The following NCKAP1 variants were observed in gnomAD, a reference collection of about 807,000 sequenced individuals.
The protein encoded by NCKAP1 is nck-associated protein 1.
A neutral mutation model predicts 151.2 loss-of-function variants in NCKAP1; 21 were observed. The observed-to-expected ratio is 0.14, with a 90% CI of 0.10 to 0.20. The LOEUF (loss-of-function observed/expected upper bound fraction) is 0.20. Among genes scored for constraint, NCKAP1 ranks in the 10% least tolerant of loss-of-function variants. The probability of loss-of-function intolerance (pLI) is 1.00; values close to 1 mark genes in which losing one functional copy is unlikely to be tolerated. For missense variants in NCKAP1, 933 were observed against 1,352.1 expected (o/e 0.69, Z 4.86); for synonymous variants, 484 against 451.8 (o/e 1.07, Z -0.90).
At position 183,038,036 on chromosome 2, in the gene NCKAP1, C is replaced by G; in HGVS notation, c.64G>C (p.Asp22His). 2 of 1,586,184 alleles carry G rather than the reference C, an allele frequency of 1.3e-6. No individual in the cohort carries two copies. Among genetic ancestry groups the G allele is most frequent in the Non-Finnish European group, 1.7e-6 (2 of 1,173,282 alleles). ...KLAEKLTILN[D>H]RGVGMLTRLY... ...CGGGTGAGCATGCCGACGCCCCGGT[C>G]GTTGAGGATGGTGAGCTTCTCCGCC... Residue 22 changes from aspartate to histidine, a missense_variant, in exon 1 of 31, where the codon GAC becomes CAC. Transcript: ENST00000361354.
At chr2:183,017,019 G>A (rs1698702189) in intron 2 of NCKAP1, among the ~76,000 whole-genome samples, 1 of 152,134 alleles carries the variant, frequency 6.6e-6, no homozygotes, top group Non-Finnish European at 1.5e-5. Context: ...AGTGGATGGT[G>A]ACAGCTCAAG....
In NCKAP1 at chr2:182,910,948, G is replaced by GCCCCCCC. The variant is rs5836857; in HGVS notation, c.*14753_*14754insGGGGGGG. 8.5e-5 allele frequency: 10 copies of GCCCCCCC among 117,812 alleles called. No individual in the cohort carries two copies. In the East Asian group the frequency reaches 2.0e-3, roughly 24 times the overall value. The allele number at this position is 117,812 out of a possible 1,614,324, so 7.3% of individuals were successfully genotyped here. A position where few individuals can be genotyped will look rare whatever the true frequency, so the allele number is the denominator to read the frequency against. On this transcript the variant is annotated 3_prime_UTR_variant, in exon 31 of 31. Coordinates refer to ENST00000361354, the MANE Select transcript of NCKAP1 (RefSeq NM_013436.5). ...CTTGGAAATAAAAATAAAATCCTAA[G>GCCCCCCC]CTCCCCCCCCACATTTGACTAAACA...
chr2:182,928,361 T>G, intron 28 of NCKAP1, 135 bp from the exon 29 acceptor site: 1 of 597,298 alleles, frequency 1.7e-6, no homozygotes, highest in Non-Finnish European at 2.9e-6. Flanking sequence ...CCGGACTTGC[T>G]CTCCTTTGAC....
intron 2 of NCKAP1, among the ~76,000 whole-genome samples, chr2:183,010,001 T>C (rs77728503): frequency 0.06 from 9,161 of 152,296 alleles, 446 homozygotes; most frequent in African/African-American, 0.13. Context: ...TTTCACTTTA[T>C]AATTAAGGTT....
chr2:182,939,437 G>A (rs952860735), intron 24 of NCKAP1, among the ~76,000 whole-genome samples: 8 of 152,118 alleles, frequency 5.3e-5, no homozygotes, highest in African/African-American at 1.9e-4. Context: ...GCTGATGCAG[G>A]AGAATTGGTT....
intron 27 of NCKAP1, among the ~76,000 whole-genome samples, chr2:182,929,938 AT>A (rs1696727304): frequency 6.6e-6 from 1 of 151,960 alleles, no homozygotes; most frequent in South Asian, 2.1e-4. Context: ...AAATTTCTAA[AT>A]GTTTTATATA....
intron 18 of NCKAP1, among the ~76,000 whole-genome samples, chr2:182,958,290 C>A (rs1171889084): frequency 6.6e-6 from 1 of 152,194 alleles, no homozygotes; most frequent in Non-Finnish European, 1.5e-5. Context: ...AGTCGACTGC[C>A]ACCACACCCA....
At chr2:182,965,484 C>T (rs1219585922) in intron 16 of NCKAP1, among the ~76,000 whole-genome samples, 4 of 152,000 alleles carry the variant, frequency 2.6e-5, no homozygotes, top group Non-Finnish European at 5.9e-5. Flanking sequence ...CCATGGCACC[C>T]AGCCTGCCAG....
At chr2:183,030,685 T>C (rs1391831258) in intron 1 of NCKAP1, among the ~76,000 whole-genome samples, 1 of 152,218 alleles carries the variant, frequency 6.6e-6, no homozygotes, top group Non-Finnish European at 1.5e-5. Context: ...GATTCTTCCC[T>C]GAGTTTTCAA....
intron 25 of NCKAP1, among the ~76,000 whole-genome samples, 189 bp downstream of exon 25, chr2:182,935,104 C>T (rs1696846532): frequency 1.3e-5 from 2 of 152,088 alleles, no homozygotes; most frequent in South Asian, 4.1e-4. Flanking sequence ...TTATACTCTG[C>T]AAGCAGCAGT....
chr2:183,024,861 T>C (rs888882291), intron 1 of NCKAP1: 11 of 1,161,786 alleles, frequency 9.5e-6, no homozygotes, highest in South Asian at 1.5e-5. Context: ...TGCAATTTTA[T>C]AGTTTTCCAT....
chr2:183,028,657 C>G (rs912567525), intron 1 of NCKAP1, among the ~76,000 whole-genome samples: 2 of 151,956 alleles, frequency 1.3e-5, no homozygotes, highest in Non-Finnish European at 2.9e-5. Flanking sequence ...ATAGGGTACA[C>G]TGTTAAAATA....
chr2:183,002,006 C>G lies in NCKAP1; in HGVS notation c.550G>C (p.Asp184His). The G allele has an allele frequency of 6.2e-7, 1 of 1,613,856 alleles. No homozygotes were observed. Among genetic ancestry groups the G allele is most frequent in the Non-Finnish European group, 8.5e-7 (1 of 1,179,878 alleles). Residue 184 changes from aspartate to histidine, a missense_variant, in exon 6 of 31, where the codon GAT becomes CAT. Physicochemically the swap from Asp to His is moderately conservative, Grantham distance 81. This residue lies in a region of NCKAP1 where 607 missense variants were observed against 795.0 expected (regional missense o/e 0.76). Coordinates refer to ENST00000361354, the MANE Select transcript of NCKAP1 (RefSeq NM_013436.5). ...ATCTTCTTTAAAGGGTTTTCATAAT[C>G]CACAATCATCTGGCCAAGGCGTGGG... Reference protein sequence around the residue: ...EYPRLGQMIVDYENPLKKMME... With the variant: ...EYPRLGQMIVHYENPLKKMME...
intron 18 of NCKAP1, among the ~76,000 whole-genome samples, chr2:182,961,621 C>G (rs1237220824): frequency 1.3e-5 from 2 of 152,064 alleles, no homozygotes; most frequent in African/African-American, 2.4e-5. Context: ...GGAGATATAC[C>G]TAATGTTAAA....
At chr2:182,971,037 T>C (rs1276811387) in intron 15 of NCKAP1, among the ~76,000 whole-genome samples, 1 of 149,810 alleles carries the variant, frequency 6.7e-6, no homozygotes, top group Admixed American at 6.6e-5. Flanking sequence ...AAACAAAAAG[T>C]GAAAGATCTC....
intron 23 of NCKAP1, chr2:182,946,968 G>C (rs1697121413): frequency 6.6e-6 from 1 of 152,222 alleles, no homozygotes; most frequent in African/African-American, 2.4e-5. Flanking sequence ...AAGGCTTGAG[G>C]CTGAAAACAA....
chr2:183,030,000 GT>G (rs1211904065), intron 1 of NCKAP1, among the ~76,000 whole-genome samples: 1 of 152,100 alleles, frequency 6.6e-6, no homozygotes, highest in African/African-American at 2.4e-5. Flanking sequence ...GAAAAATTAA[GT>G]AACTTGATCA....
At position 182,912,847 on chromosome 2, in the gene NCKAP1, A is replaced by AG. The variant is rs1170252762; in HGVS notation, c.*12854dup. On this transcript the variant is annotated 3_prime_UTR_variant, in exon 31 of 31. Transcript: ENST00000361354. ...CTCAAAACCAAAGAAAGATAGAGGA[A>AG]GAAAGGAAGGAAGGAAGGAAGGAAG... 1.0e-3 allele frequency: 153 copies of AG among 148,528 alleles called. No individual in the cohort carries two copies. The highest frequency in any genetic ancestry group is 1.8e-3 in the Non-Finnish European group (118 of 67,410). The allele number at this position is 148,528 out of a possible 1,614,324, so 9.2% of individuals were successfully genotyped here. A position where few individuals can be genotyped will look rare whatever the true frequency, so the allele number is the denominator to read the frequency against.
At chr2:183,020,573 A>G (rs1698779856) in intron 2 of NCKAP1, among the ~76,000 whole-genome samples, 1 of 152,116 alleles carries the variant, frequency 6.6e-6, no homozygotes, top group African/African-American at 2.4e-5. Context: ...GTTACTTGTA[A>G]GACATGAATC....
Sources: allele counts gnomAD v4.1 joint callset (sites outside exome capture counted in the v4.1 genomes callset), GRCh38; gene constraint gnomAD v4.1.1; regional missense constraint gnomAD v4.1.1; transcripts MANE v1.5; gene names NCBI Gene and HGNC (gene_info 2026-07-23, HGNC 2026-07-21).